Variants in RALGPS1 observed in about 807,000 individuals in gnomAD.
The protein encoded by RALGPS1 is ras-specific guanine nucleotide-releasing factor RalGPS1.
In RALGPS1, 19 loss-of-function variants were observed where a neutral mutation model predicts 78.8. The ratio of observed to expected loss-of-function variants is 0.24; its 90% CI spans 0.17 to 0.35. The LOEUF is 0.35. Ranked by LOEUF, RALGPS1 falls within the 10% of genes least tolerant of loss-of-function variation. The probability of loss-of-function intolerance (pLI) is 1.00; values close to 1 mark genes in which losing one functional copy is unlikely to be tolerated. For missense variants in RALGPS1, 454 were observed against 688.3 expected (o/e 0.66, Z 3.81); for synonymous variants, 228 against 256.3 (o/e 0.89, Z 1.06).
At chr9:126,981,042 AC>A (rs1305472392) in intron 4 of RALGPS1, among the ~76,000 whole-genome samples, 2 of 152,024 alleles carry the variant, frequency 1.3e-5, no homozygotes, top group Non-Finnish European at 2.9e-5. Context: ...TCATTTTTCC[AC>A]CCTGGCTCAG....
intron 11 of RALGPS1, among the ~76,000 whole-genome samples, chr9:127,189,521 T>C (rs545074482): frequency 3.3e-5 from 5 of 152,332 alleles, no homozygotes; most frequent in Admixed American, 1.3e-4. Context: ...ACTGAGCTTC[T>C]ACTACTCTAC....
intron 3 of RALGPS1, among the ~76,000 whole-genome samples, chr9:126,973,756 C>G (rs2040342212): frequency 6.6e-6 from 1 of 152,194 alleles, no homozygotes. Context: ...TCCCCATTCC[C>G]TCTCCTCCCA....
intron 2 of RALGPS1, 34 bp from the exon 3 acceptor site, chr9:126,965,810 T>C: frequency 6.5e-7 from 1 of 1,528,296 alleles, no homozygotes; most frequent in Non-Finnish European, 9.1e-7. Flanking sequence ...CGTCATATCA[T>C]TCAGTTGGCA....
chr9:127,065,572 C>T (rs2049615599), intron 7 of RALGPS1, among the ~76,000 whole-genome samples: 1 of 152,100 alleles, frequency 6.6e-6, no homozygotes, highest in Non-Finnish European at 1.5e-5. Context: ...ATCCTATCTA[C>T]CAGATATCTA....
Position 127,205,462 on chromosome 9 carries a change from C to A in RALGPS1, c.1247+6396C>A, listed in dbSNP as rs1479964663. Among the ~76,000 whole-genome samples the A allele has an allele frequency of 6.6e-6, 1 of 152,230 alleles. No homozygotes were observed. The highest frequency in any genetic ancestry group is 1.5e-5 in the Non-Finnish European group (1 of 68,036). ...AGAGAAGTCTGCAGAGAGAAGAGTG[C>A]ACAAAGAACCCCTGGCCTCTAGGTG... is the stretch of plus-strand genomic sequence containing the variant. On this transcript the variant is annotated intron_variant, in intron 14 of 18. Coordinates refer to ENST00000259351, the MANE Select transcript of RALGPS1 (RefSeq NM_014636.3). This position sits in a 1 kb window ranked among gnomAD's most constrained non-coding sequence, Gnocchi z 4.0.
chr9:126,997,187 T>A (rs7026371), intron 4 of RALGPS1, among the ~76,000 whole-genome samples: 1 of 152,194 alleles, frequency 6.6e-6, no homozygotes, highest in African/African-American at 2.4e-5. Context: ...AGCCAGGGCA[T>A]TGAGGCAGGA....
chr9:126,967,427 T>C (rs2132313526), intron 3 of RALGPS1, among the ~76,000 whole-genome samples: 1 of 152,376 alleles, frequency 6.6e-6, no homozygotes, highest in African/African-American at 2.4e-5. Context: ...TTCAAATGTC[T>C]GTCCTTAGGA....
chr9:127,050,247 C>G, intron 6 of RALGPS1, 115 bp downstream of exon 6: 1 of 857,002 alleles, frequency 1.2e-6, no homozygotes, highest in South Asian at 1.5e-5. Context: ...CTGCCAGGCA[C>G]AGTTCAAACA....
chr9:126,980,889 A>G (rs2041187479), intron 4 of RALGPS1, among the ~76,000 whole-genome samples: 1 of 152,172 alleles, frequency 6.6e-6, no homozygotes, highest in Non-Finnish European at 1.5e-5. Context: ...CCAGGCTTCC[A>G]TTGTGTAAGC....
chr9:127,186,976 G>T (rs547008784), intron 11 of RALGPS1, among the ~76,000 whole-genome samples: 1 of 152,330 alleles, frequency 6.6e-6, no homozygotes, highest in African/African-American at 2.4e-5. Flanking sequence ...GGAAGCACAT[G>T]GAGACAGACA....
intron 8 of RALGPS1, among the ~76,000 whole-genome samples, chr9:127,137,161 G>A (rs1323858111): frequency 1.3e-5 from 2 of 152,156 alleles, no homozygotes; most frequent in Admixed American, 1.3e-4. Flanking sequence ...TGTTCTTTTT[G>A]CCCATCTGCC....
chr9:127,106,678 T>G (rs1332215065), intron 8 of RALGPS1, among the ~76,000 whole-genome samples: 2 of 152,168 alleles, frequency 1.3e-5, no homozygotes. Context: ...TCCTTTGAGG[T>G]GCTGCAGTGG....
chr9:127,104,263 G>A (rs1408631978), intron 8 of RALGPS1, among the ~76,000 whole-genome samples: 1 of 152,162 alleles, frequency 6.6e-6, no homozygotes, highest in Non-Finnish European at 1.5e-5. Flanking sequence ...AGCTGCTGTT[G>A]GCGCTGTCCT....
intron 1 of RALGPS1, among the ~76,000 whole-genome samples, chr9:126,942,340 G>T: frequency 6.6e-6 from 1 of 150,586 alleles, no homozygotes. Context: ...GTTTTCTTTA[G>T]TATTTTTCCT....
chr9:127,216,841 C>T (rs1200740870), intron 18 of RALGPS1: 1 of 1,405,616 alleles, frequency 7.1e-7, no homozygotes, highest in African/African-American at 1.5e-5. Flanking sequence ...TCTGGGGTCC[C>T]TCAGTAGCTC....
intron 14 of RALGPS1, among the ~76,000 whole-genome samples, chr9:127,210,233 A>G (rs1417250413): frequency 6.6e-6 from 1 of 152,236 alleles, no homozygotes; most frequent in Non-Finnish European, 1.5e-5. Context: ...TGTCCAGTCG[A>G]GAGCAAACAG....
chr9:127,089,077 G>A (rs2052132135), intron 8 of RALGPS1: 1 of 1,614,242 alleles, frequency 6.2e-7, no homozygotes, highest in Non-Finnish European at 8.5e-7. Context: ...AGACCCCGTT[G>A]AGGTTGGAGT....
chr9:127,218,962 C>T lies in RALGPS1; in HGVS notation c.*193C>T, dbSNP rs150145245. On this transcript the variant is annotated 3_prime_UTR_variant, in exon 19 of 19. Coordinates refer to ENST00000259351, the MANE Select transcript of RALGPS1 (RefSeq NM_014636.3). The surrounding 1 kb of genome is among the most constrained non-coding windows in gnomAD (Gnocchi z 4.4). ...GTGGGATCCACCTGTCAGTCCCCAGCGACTCTCATGACACTCATTCTGCAG... is the reference window on the plus strand; with the variant it reads ...GTGGGATCCACCTGTCAGTCCCCAGTGACTCTCATGACACTCATTCTGCAG... The T allele has an allele frequency of 3.4e-4, 219 of 648,068 alleles. No individual in the cohort carries two copies. The African/African-American group carries it at 3.4e-3, about 10-fold the overall frequency. 40.1% of individuals were successfully genotyped at this position (648,068 alleles called of 1,614,324 possible). A position where few individuals can be genotyped will look rare whatever the true frequency, so the allele number is the denominator to read the frequency against.
At chr9:127,098,897 G>A (rs994113634) in intron 8 of RALGPS1, among the ~76,000 whole-genome samples, 8 of 152,206 alleles carry the variant, frequency 5.3e-5, no homozygotes, top group African/African-American at 1.7e-4. Context: ...TGATTTACCC[G>A]TCCAGGCCCT....
Sources: allele counts gnomAD v4.1 joint callset (sites outside exome capture counted in the v4.1 genomes callset), GRCh38; gene constraint gnomAD v4.1.1; non-coding constraint Gnocchi (gnomAD v3.1); transcripts MANE v1.5; gene names NCBI Gene and HGNC (gene_info 2026-07-23, HGNC 2026-07-21).